Variants in DMBX1 observed in about 807,000 individuals in gnomAD.
DMBX1 encodes the protein diencephalon/mesencephalon homeobox 1.
Under a neutral mutation model 30.4 loss-of-function variants are expected in DMBX1, and 7 were observed. The observed-to-expected ratio is 0.23, with a 90% CI of 0.13 to 0.43. The LOEUF (loss-of-function observed/expected upper bound fraction) is 0.43. Ranked by LOEUF, DMBX1 falls within the 20% of genes least tolerant of loss-of-function variation. The probability of loss-of-function intolerance (pLI) is 1.00; values close to 1 mark genes in which losing one functional copy is unlikely to be tolerated. For missense variants in DMBX1, 460 were observed against 508.5 expected (o/e 0.90, Z 0.92); for synonymous variants, 222 against 214.2 (o/e 1.04, Z -0.32).
chr1:46,506,953 G>A, intron 2 of DMBX1, 46 bp from the exon 3 acceptor site: 1 of 1,598,594 alleles, frequency 6.3e-7, no homozygotes, highest in Admixed American at 1.7e-5. Context: ...TGAGGGCAGA[G>A]TCTGATAGGC....
chr1:46,502,675 C>T (rs1666159863), intron 2 of DMBX1, among the ~76,000 whole-genome samples: 1 of 152,038 alleles, frequency 6.6e-6, no homozygotes, highest in Admixed American at 6.6e-5. Context: ...CTGCTTGAGC[C>T]CAGGAGTTTG....
chr1:46,497,757 C>T (rs1666050061), intron 2 of DMBX1, among the ~76,000 whole-genome samples: 1 of 152,240 alleles, frequency 6.6e-6, no homozygotes, highest in Non-Finnish European at 1.5e-5. Context: ...ATAACGGATG[C>T]ATTTGCAGAT....
chr1:46,509,310 G>T (rs946576610), intron 3 of DMBX1, among the ~76,000 whole-genome samples: 2 of 152,110 alleles, frequency 1.3e-5, no homozygotes, highest in African/African-American at 4.8e-5. Flanking sequence ...CTGACCTCAG[G>T]TAATCCACCC....
chr1:46,511,979 C>T lies in DMBX1; in HGVS notation c.683-64C>T, dbSNP rs1014729544. 4.7e-6 allele frequency: 7 copies of T among 1,496,510 alleles called. No homozygotes were observed. The African/African-American group carries it at 9.7e-5, about 21-fold the overall frequency. 92.7% of individuals were successfully genotyped at this position (1,496,510 alleles called of 1,614,324 possible). On this transcript the variant is annotated intron_variant, in intron 5 of 5. Coordinates refer to ENST00000360032, the MANE Select transcript of DMBX1 (RefSeq NM_172225.2). ...GCCAAGGAGGTGAGAAGGCTGAGTG[C>T]ACCTCTCCTGGCAGACCAATGCCCT...
At chr1:46,504,976 G>A (rs564710670) in intron 2 of DMBX1, among the ~76,000 whole-genome samples, 19 of 152,214 alleles carry the variant, frequency 1.2e-4, no homozygotes, top group Admixed American at 2.6e-4. Flanking sequence ...AGACATTTAT[G>A]CAGCCAAAAA....
rs575395795 is a variant in DMBX1 at position 46,515,905 on chromosome 1, C to T, written c.*3411C>T. 3.3e-5 allele frequency among the ~76,000 whole-genome samples: 5 copies of T among 152,306 alleles called. No homozygotes were observed. In the South Asian group the frequency reaches 1.0e-3, roughly 32 times the overall value. On this transcript the variant is annotated 3_prime_UTR_variant, in exon 6 of 6. Transcript: ENST00000360032. ...TTTCCTCACTCCCTCAGAGCATGGT[C>T]CAGGGGCCCGGATCCCAACCCCAAC...
Position 46,493,753 on chromosome 1 carries a change from C to T in DMBX1, c.-13+2970C>T, listed in dbSNP as rs116561721. Among the ~76,000 whole-genome samples, 89 of 152,342 alleles carry T rather than the reference C, an allele frequency of 5.8e-4. 1 individual carries two copies. The highest frequency in any genetic ancestry group is 1.9e-3 in the African/African-American group (78 of 41,580). ...TCTATCTCCAGGGTTGCTTGTGCCC[C>T]GGATGAGTTGTACATCTGTCAGTGT... On this transcript the variant is annotated intron_variant, in intron 2 of 5. Transcript: ENST00000360032. The surrounding 1 kb of genome is among the most constrained non-coding windows in gnomAD (Gnocchi z 4.1).
intron 2 of DMBX1, among the ~76,000 whole-genome samples, chr1:46,501,491 C>T (rs1022346984): frequency 6.6e-6 from 1 of 151,702 alleles, no homozygotes; most frequent in African/African-American, 2.4e-5. Context: ...CCATGTTGGC[C>T]AGGCTGGTCT....
chr1:46,495,667 C>T (rs1354772542), intron 2 of DMBX1, among the ~76,000 whole-genome samples: 2 of 152,204 alleles, frequency 1.3e-5, no homozygotes, highest in African/African-American at 2.4e-5. Context: ...ACTTCTGGAC[C>T]GAACCACTGC....
intron 2 of DMBX1, among the ~76,000 whole-genome samples, chr1:46,501,265 TCTTTCTC>T (rs1322160665): frequency 1.6e-5 from 2 of 127,716 alleles, no homozygotes; most frequent in African/African-American, 6.2e-5. Flanking sequence ...TTTCTTTCTT[TCTTTCTC>T]TTCTTTCTTT....
chr1:46,501,893 A>AT (rs762663469), intron 2 of DMBX1, among the ~76,000 whole-genome samples: 1 of 152,130 alleles, frequency 6.6e-6, no homozygotes, highest in East Asian at 1.9e-4. Context: ...TGTGCTATTT[A>AT]TTTTTTATGA....
Position 46,512,088 on chromosome 1 carries a change from G to T in DMBX1, c.728G>T (p.Gly243Val). The change falls in exon 6 of 6, where the codon GGC becomes GTC. Residue 243 changes from glycine to valine, a missense_variant. Around this residue, in one of 3 missense-constraint regions of DMBX1, gnomAD observed 334 missense variants for 345.1 expected, o/e 0.97. Transcript: ENST00000360032. The surrounding 1 kb of genome is among the most constrained non-coding windows in gnomAD (Gnocchi z 4.8). ...ATCACTCCTGTGGCCCCAGGGGGTG[G>T]CCTCCTGGGCCCCTCCCACTCCTAT... ...LTITPVAPGGGLLGPSHSYSS... is the reference protein window; with the variant it reads ...LTITPVAPGGVLLGPSHSYSS... The T allele has an allele frequency of 6.2e-7, 1 of 1,613,300 alleles. No homozygotes were observed. The highest frequency in any genetic ancestry group is 8.5e-7 in the Non-Finnish European group (1 of 1,179,890).
In DMBX1 at chr1:46,506,982, C is replaced by G; in HGVS notation, c.-12-17C>G. The stretch of plus-strand genomic sequence containing the variant: ...GATAGGCCTGCCTCATGGCCCCTCT[C>G]CCTTTTCCGTCTGTAGGCGGATGCC... On this transcript the variant is annotated splice_polypyrimidine_tract_variant and intron_variant, in intron 2 of 5. Transcript: ENST00000360032. 1 of 1,612,636 alleles carries G rather than the reference C, an allele frequency of 6.2e-7. No individual in the cohort carries two copies. The highest frequency in any genetic ancestry group is 1.1e-5 in the South Asian group (1 of 90,920).
chr1:46,509,646 T>C (rs560097003), intron 3 of DMBX1, among the ~76,000 whole-genome samples: 3 of 152,150 alleles, frequency 2.0e-5, no homozygotes, highest in Non-Finnish European at 2.9e-5. Flanking sequence ...TTACCAGACA[T>C]GTGGACAGGA....
intron 2 of DMBX1, among the ~76,000 whole-genome samples, chr1:46,500,296 T>G (rs1016493178): frequency 6.6e-5 from 10 of 152,036 alleles, no homozygotes; most frequent in African/African-American, 2.4e-4. Context: ...AGCTGCATTG[T>G]GCATCAAAAA....
rs932690090 is a variant in DMBX1, at chr1:46,491,390, G to C, written c.-13+607G>C. Among the ~76,000 whole-genome samples the C allele has an allele frequency of 6.6e-6, 1 of 152,208 alleles. No homozygotes were observed. Among genetic ancestry groups the C allele is most frequent in the African/African-American group, 2.4e-5 (1 of 41,446 alleles). ...CAGCCTCAGCGCTGGTTCCGACCCG[G>C]GCCCCAGAAGGTCTTTTTCGTTTGA... On this transcript the variant is annotated intron_variant, in intron 2 of 5. Transcript: ENST00000360032. This position sits in a 1 kb window ranked among gnomAD's most constrained non-coding sequence, Gnocchi z 5.5.
chr1:46,510,678 G>A lies in DMBX1; in HGVS notation c.333+24G>A. ...AGGTAGGGCCCAACTCTCCTAACTAGGCCTTGCAGACAAACACCAGCCCAT... is the reference window on the plus strand; with the variant it reads ...AGGTAGGGCCCAACTCTCCTAACTAAGCCTTGCAGACAAACACCAGCCCAT... On this transcript the variant is annotated intron_variant, in intron 4 of 5. Coordinates refer to ENST00000360032, the MANE Select transcript of DMBX1 (RefSeq NM_172225.2). The surrounding 1 kb of genome is among the most constrained non-coding windows in gnomAD (Gnocchi z 4.1). The A allele has an allele frequency of 6.2e-7, 1 of 1,605,018 alleles. No homozygotes were observed. The highest frequency in any genetic ancestry group is 8.5e-7 in the Non-Finnish European group (1 of 1,175,044).
chr1:46,512,599 T>G lies in DMBX1; in HGVS notation c.*105T>G. On this transcript the variant is annotated 3_prime_UTR_variant, in exon 6 of 6. Transcript: ENST00000360032. The surrounding 1 kb of genome is among the most constrained non-coding windows in gnomAD (Gnocchi z 4.8). ...GTTAACTCCATGAGCCCAGGGATCC[T>G]AGGGCCTGGGGTCCTGTTCCCTGCT... 1 of 1,289,148 alleles carries G rather than the reference T, an allele frequency of 7.8e-7. No homozygotes were observed. Among genetic ancestry groups the G allele is most frequent in the Non-Finnish European group, 1.1e-6 (1 of 948,380 alleles). 79.9% of individuals were successfully genotyped at this position (1,289,148 alleles called of 1,614,324 possible).
At chr1:46,506,887 G>A in intron 2 of DMBX1, 112 bp from the exon 3 acceptor site, 2 of 1,210,184 alleles carry the variant, frequency 1.7e-6, no homozygotes, top group Non-Finnish European at 2.3e-6. Context: ...GATGGAGGGA[G>A]CTTCTGACCC....
Sources: gnomAD v4.1 joint callset for allele counts (sites outside exome capture counted in the v4.1 genomes callset) on GRCh38, gnomAD v4.1.1 for gene constraint, gnomAD v4.1.1 regional missense constraint, Gnocchi (gnomAD v3.1) non-coding constraint, MANE v1.5 for transcripts, NCBI Gene and HGNC (gene_info 2026-07-23, HGNC 2026-07-21) for gene names.